Variants in PTPRD observed in about 807,000 individuals in gnomAD.
PTPRD encodes protein tyrosine phosphatase receptor type D.
A neutral mutation model predicts 214.5 loss-of-function variants in PTPRD; 34 were observed. That is an observed-to-expected ratio of 0.16 (90% CI 0.12 to 0.21). The LOEUF is 0.21. PTPRD is among the 10% of genes least tolerant of loss of function. The probability of loss-of-function intolerance (pLI) is 1.00; values close to 1 mark genes in which losing one functional copy is unlikely to be tolerated. For synonymous variants in PTPRD, 1,128 were observed against 845.7 expected (o/e 1.33, Z -5.79); for missense variants, 2,545 against 2,398.7 (o/e 1.06, Z -1.27).
rs557478208 is a variant in PTPRD, at chr9:9,303,088, T to TA, written c.-203+94360dup. ...TTTTAAATCTAATTTGCAAAGGCAT[T>TA]AGCACAAAAATTACCCCCCAAATCA... On this transcript the variant is annotated intron_variant, in intron 9 of 45. Coordinates refer to ENST00000381196, the MANE Select transcript of PTPRD (RefSeq NM_002839.4). Among the ~76,000 whole-genome samples, 727 of 152,044 alleles carry TA rather than the reference T, an allele frequency of 4.8e-3. 4 individuals carry two copies. Among genetic ancestry groups the TA allele is most frequent in the African/African-American group, 0.017 (694 of 41,542 alleles).
intron 2 of PTPRD, among the ~76,000 whole-genome samples, chr9:10,418,401 A>G (rs1409869085): frequency 6.7e-6 from 1 of 149,978 alleles, no homozygotes; most frequent in African/African-American, 2.5e-5. Flanking sequence ...AGTTCTCTCT[A>G]CTAGTGGGGC....
intron 8 of PTPRD, among the ~76,000 whole-genome samples, chr9:9,509,122 T>G (rs2096638619): frequency 6.6e-6 from 1 of 151,668 alleles, no homozygotes; most frequent in South Asian, 2.1e-4. Context: ...ATTAGCAAGC[T>G]CAGAAAGTAG....
chr9:9,809,792 G>A (rs1001299945), intron 5 of PTPRD, among the ~76,000 whole-genome samples: 2 of 152,150 alleles, frequency 1.3e-5, no homozygotes, highest in African/African-American at 2.4e-5. Context: ...CATGATCAGG[G>A]ACAGGAAATC....
At chr9:9,507,576 G>A (rs2096600262) in intron 8 of PTPRD, among the ~76,000 whole-genome samples, 1 of 151,342 alleles carries the variant, frequency 6.6e-6, no homozygotes, top group South Asian at 2.1e-4. Flanking sequence ...GATGATTAAG[G>A]AAGAAAAATT....
intron 4 of PTPRD, among the ~76,000 whole-genome samples, chr9:9,987,554 G>T (rs1269762562): frequency 1.3e-5 from 2 of 152,048 alleles, no homozygotes; most frequent in Non-Finnish European, 2.9e-5. Flanking sequence ...GGAAAGACCT[G>T]CCCCGACAAC....
intron 8 of PTPRD, among the ~76,000 whole-genome samples, chr9:9,429,087 A>T (rs1285169032): frequency 1.3e-5 from 2 of 152,092 alleles, no homozygotes; most frequent in African/African-American, 2.4e-5. Context: ...GACACAAAAA[A>T]CCCTTCAAAA....
Position 10,151,256 on chromosome 9 carries a change from C to CTTTTTT in PTPRD, c.-544-117472_-544-117467dup, listed in dbSNP as rs71321228. 9.7e-4 allele frequency among the ~76,000 whole-genome samples: 12 copies of CTTTTTT among 12,378 alleles called. 4 individuals are homozygous for CTTTTTT. Among genetic ancestry groups the CTTTTTT allele is most frequent in the Non-Finnish European group, 1.7e-3 (11 of 6,582 alleles). 8.1% of individuals were successfully genotyped at this position (12,378 alleles called of 152,430 possible). A position where few individuals can be genotyped will look rare whatever the true frequency, so the allele number is the denominator to read the frequency against. On this transcript the variant is annotated intron_variant, in intron 3 of 45. Transcript: ENST00000381196. ...TTGTATTTCTAGACTTTTTTGTTAA[C>CTTTTTT]TTTTTTTTTTTTTTTTTTTTTTTTG...
intron 7 of PTPRD, among the ~76,000 whole-genome samples, chr9:9,725,271 A>T (rs2098062929): frequency 6.6e-6 from 1 of 151,206 alleles, no homozygotes; most frequent in Non-Finnish European, 1.5e-5. Context: ...AATAAGTCTC[A>T]TGAGATCTGA....
chr9:9,652,695 A>C (rs578097452), intron 7 of PTPRD, among the ~76,000 whole-genome samples: 1 of 151,462 alleles, frequency 6.6e-6, no homozygotes, highest in Non-Finnish European at 1.5e-5. Flanking sequence ...GCTCACTGCA[A>C]TCTCCACCTC....
intron 14 of PTPRD, among the ~76,000 whole-genome samples, chr9:8,561,607 A>AG (rs1209880253): frequency 7.9e-5 from 12 of 151,938 alleles, no homozygotes; most frequent in East Asian, 1.9e-4. Context: ...GGTGGGGGTG[A>AG]GGGGGGGTGG....
At chr9:10,321,855 T>G (rs531851251) in intron 3 of PTPRD, among the ~76,000 whole-genome samples, 3 of 152,004 alleles carry the variant, frequency 2.0e-5, no homozygotes, top group Non-Finnish European at 4.4e-5. Context: ...AATGTTTCAG[T>G]TTTTTTCGGA....
intron 14 of PTPRD, among the ~76,000 whole-genome samples, chr9:8,601,305 A>G (rs2094845342): frequency 1.3e-5 from 2 of 152,184 alleles, no homozygotes; most frequent in South Asian, 4.1e-4. Context: ...ATCTGCCACA[A>G]GCCTGGCAGA....
intron 3 of PTPRD, among the ~76,000 whole-genome samples, chr9:10,241,718 C>T (rs2091092514): frequency 1.3e-5 from 2 of 151,784 alleles, no homozygotes; most frequent in African/African-American, 4.8e-5. Context: ...TATAAAGGGG[C>T]ACCAAGAAAC....
intron 2 of PTPRD, among the ~76,000 whole-genome samples, chr9:10,491,866 C>T (rs929094790): frequency 6.6e-6 from 1 of 152,094 alleles, no homozygotes; most frequent in African/African-American, 2.4e-5. Flanking sequence ...CTCTCCTAGT[C>T]CCACACCCCA....
intron 4 of PTPRD, among the ~76,000 whole-genome samples, chr9:9,983,606 G>A (rs967556399): frequency 2.0e-5 from 3 of 152,126 alleles, no homozygotes; most frequent in Admixed American, 6.6e-5. Context: ...GAACCAAAAC[G>A]TACACTCACA....
chr9:9,905,257 C>T (rs948142396), intron 5 of PTPRD, among the ~76,000 whole-genome samples: 1 of 151,726 alleles, frequency 6.6e-6, no homozygotes, highest in African/African-American at 2.4e-5. Flanking sequence ...ATATAGTCAC[C>T]CTAAATTCAG....
intron 34 of PTPRD, chr9:8,437,156 A>G: frequency 7.2e-7 from 1 of 1,398,000 alleles, no homozygotes; most frequent in Non-Finnish European, 9.7e-7. Context: ...GTAGCTTGAT[A>G]GTAAACATAA....
chr9:9,275,199 T>TATATA (rs1491465404), intron 9 of PTPRD, among the ~76,000 whole-genome samples: 133 of 10,388 alleles, frequency 0.013, 4 homozygotes, highest in African/African-American at 0.015. Flanking sequence ...TATATATATA[T>TATATA]TATATATATA....
chr9:9,599,581 T>A (rs13295543), intron 7 of PTPRD, among the ~76,000 whole-genome samples: 1 of 152,100 alleles, frequency 6.6e-6, no homozygotes, highest in Admixed American at 6.6e-5. Context: ...TTTGTTTTCA[T>A]ATATTTATCT....
Sources: gnomAD v4.1 joint callset for allele counts (sites outside exome capture counted in the v4.1 genomes callset) on GRCh38, gnomAD v4.1.1 for gene constraint, MANE v1.5 for transcripts, NCBI Gene and HGNC (gene_info 2026-07-23, HGNC 2026-07-21) for gene names.